PAX3: variants seen among roughly 807,000 people sequenced by gnomAD.
PAX3 encodes the protein paired box 3.
A neutral mutation model predicts 51.6 loss-of-function variants in PAX3; 14 were observed. The ratio of observed to expected loss-of-function variants is 0.27; its 90% CI spans 0.18 to 0.42. PAX3 has a LOEUF of 0.42. Among genes scored for constraint, PAX3 ranks in the 10% least tolerant of loss-of-function variants. The pLI, the probability that PAX3 is intolerant of heterozygous loss-of-function variation, is 1.00. For synonymous variants in PAX3, 280 were observed against 253.4 expected, an observed-to-expected ratio of 1.11 and a Z score of -1.00; for missense variants, 540 against 642.8, an observed-to-expected ratio of 0.84 and a Z score of 1.73.
chr2:222,241,086 A>G (rs1692996240), intron 4 of PAX3, among the ~76,000 whole-genome samples: 1 of 152,224 alleles, frequency 6.6e-6, no homozygotes, highest in Non-Finnish European at 1.5e-5. Flanking sequence ...CAGGGCTGCT[A>G]TCTACAGTAA....
chr2:222,237,903 T>C (rs931180706), intron 4 of PAX3, among the ~76,000 whole-genome samples: 1 of 152,166 alleles, frequency 6.6e-6, no homozygotes, highest in African/African-American at 2.4e-5. Flanking sequence ...TGGAAACATA[T>C]CAGGATATTC....
chr2:222,244,703 C>G (rs1428700060), intron 4 of PAX3, among the ~76,000 whole-genome samples: 1 of 149,438 alleles, frequency 6.7e-6, no homozygotes, highest in African/African-American at 2.5e-5. Context: ...TTCAGAAGAA[C>G]CCGCCCATAG....
intron 4 of PAX3, among the ~76,000 whole-genome samples, chr2:222,254,788 T>C (rs1047384357): frequency 2.6e-5 from 4 of 152,206 alleles, no homozygotes; most frequent in African/African-American, 9.7e-5. Context: ...TTTTCTATTC[T>C]TTTCTTTTTT....
chr2:222,295,180 C>A (rs754549283), intron 3 of PAX3, among the ~76,000 whole-genome samples: 1 of 152,172 alleles, frequency 6.6e-6, no homozygotes, highest in African/African-American at 2.4e-5. Flanking sequence ...CGGGCCCCAT[C>A]TCCCTTCGGT....
At chr2:222,230,949 A>T (rs1692571496) in intron 5 of PAX3, among the ~76,000 whole-genome samples, 2 of 151,056 alleles carry the variant, frequency 1.3e-5, no homozygotes, top group African/African-American at 4.9e-5. Context: ...TGTTATTTTT[A>T]AATTATTTGT....
chr2:222,270,469 T>C (rs112808568), intron 4 of PAX3, among the ~76,000 whole-genome samples: 1 of 152,192 alleles, frequency 6.6e-6, no homozygotes, highest in East Asian at 1.9e-4. Context: ...GCAATAAAAT[T>C]GTCGCTGCTA....
Position 222,298,655 on chromosome 2 carries a change from G to A in PAX3, c.-40C>T, listed in dbSNP as rs1327544104. On this transcript the variant is annotated 5_prime_UTR_variant, in exon 1 of 9. Coordinates refer to ENST00000392070, the MANE Select transcript of PAX3 (RefSeq NM_181458.4). ...CGCTCGGAAATTATATCCAGGTGAA[G>A]GCGAAACGGAAAGGCGAGTGCGGCG... 4 of 1,557,434 alleles carry A rather than the reference G, an allele frequency of 2.6e-6. No individual in the cohort carries two copies. The highest frequency in any genetic ancestry group is 3.5e-6 in the Non-Finnish European group (4 of 1,145,926).
At chr2:222,285,414 G>T (rs1016519931) in intron 4 of PAX3, among the ~76,000 whole-genome samples, 4 of 152,176 alleles carry the variant, frequency 2.6e-5, no homozygotes, top group Non-Finnish European at 5.9e-5. Context: ...CTGTGAACTG[G>T]GTAAGTTATG....
intron 4 of PAX3, chr2:222,287,460 T>G (rs565755954): frequency 6.2e-4 from 94 of 152,320 alleles, no homozygotes; most frequent in African/African-American, 2.3e-3. Context: ...CAATTTTGAG[T>G]TGGTACTAAG....
At chr2:222,273,812 A>G (rs1391320124) in intron 4 of PAX3, among the ~76,000 whole-genome samples, 2 of 151,862 alleles carry the variant, frequency 1.3e-5, no homozygotes, top group African/African-American at 4.8e-5. Flanking sequence ...AGGTAATTTG[A>G]CAGCTCTTAG....
chr2:222,296,128 T>C (rs532748765), intron 2 of PAX3, among the ~76,000 whole-genome samples: 1 of 152,288 alleles, frequency 6.6e-6, no homozygotes, highest in African/African-American at 2.4e-5. Flanking sequence ...TGTATTTGGG[T>C]TTTTAAAACT....
Position 222,200,346 on chromosome 2 carries a change from A to G in PAX3, c.*1062T>C. 1 of 223,116 alleles carries G rather than the reference A, an allele frequency of 4.5e-6. No individual in the cohort carries two copies. Among genetic ancestry groups the G allele is most frequent in the Non-Finnish European group, 9.0e-6 (1 of 111,380 alleles). The allele number at this position is 223,116 out of a possible 1,614,324, so 13.8% of individuals were successfully genotyped here. On this transcript the variant is annotated 3_prime_UTR_variant, in exon 9 of 9. Coordinates refer to ENST00000392070, the MANE Select transcript of PAX3 (RefSeq NM_181458.4). ...CTGTTCTTGCCCTGCCTTTCATAGA[A>G]AAGAGAAGAATGTAAACGTAATCAG...
intron 4 of PAX3, among the ~76,000 whole-genome samples, chr2:222,244,486 C>A (rs945327758): frequency 1.8e-4 from 27 of 152,240 alleles, no homozygotes; most frequent in African/African-American, 6.0e-4. Flanking sequence ...TCCTGATACA[C>A]AATTTATCCT....
chr2:222,292,577 C>CGT (rs1196636907), intron 4 of PAX3, among the ~76,000 whole-genome samples: 3 of 152,220 alleles, frequency 2.0e-5, no homozygotes, highest in Non-Finnish European at 4.4e-5. Flanking sequence ...GTAGCAAAGC[C>CGT]GTGAGTCCCC....
At chr2:222,203,347 GC>G (rs1352125038) in intron 7 of PAX3, among the ~76,000 whole-genome samples, 1 of 151,784 alleles carries the variant, frequency 6.6e-6, no homozygotes, top group Admixed American at 6.6e-5. Context: ...AAAAGCAATT[GC>G]AAAAGAAATC....
At position 222,232,282 on chromosome 2, in the gene PAX3, G is replaced by T. The variant is rs1692626386; in HGVS notation, c.588C>A (p.Ala196=). ...AGCCTTCATCTGATTGGGGTGCTGA[G>T]GCTAAAAGCACAGAAGAACAAAACA... ...HSIDGILSER[A]SAPQSDEGSD... Residue 196 remains alanine (A), a splice_region_variant and synonymous_variant, in exon 5 of 9, where the codon GCC becomes GCA. Coordinates refer to ENST00000392070, the MANE Select transcript of PAX3 (RefSeq NM_181458.4). The T allele has an allele frequency of 1.9e-6, 3 of 1,612,880 alleles. No homozygotes were observed. The highest frequency in any genetic ancestry group is 2.2e-5 in the South Asian group (2 of 91,052).
At chr2:222,222,889 A>ATTTT (rs1157194231) in intron 5 of PAX3, among the ~76,000 whole-genome samples, 1 of 152,190 alleles carries the variant, frequency 6.6e-6, no homozygotes, top group African/African-American at 2.4e-5. Context: ...CTAAAGTGGA[A>ATTTT]GCAAAAAGTT....
At chr2:222,281,122 G>A (rs929970784) in intron 4 of PAX3, among the ~76,000 whole-genome samples, 3 of 152,148 alleles carry the variant, frequency 2.0e-5, no homozygotes, top group Admixed American at 6.5e-5. Flanking sequence ...AAGTTTCCAC[G>A]CTGGATCAAT....
At chr2:222,203,045 ATATATATATAT>A (rs1691367830) in intron 7 of PAX3, among the ~76,000 whole-genome samples, 1 of 133,192 alleles carries the variant, frequency 7.5e-6, no homozygotes, top group African/African-American at 2.7e-5. Context: ...ATATATATAT[ATATATATATAT>A]GAAGTGTTAA....
Sources: gnomAD v4.1 joint callset for allele counts (sites outside exome capture counted in the v4.1 genomes callset) on GRCh38, gnomAD v4.1.1 for gene constraint, MANE v1.5 for transcripts, NCBI Gene and HGNC (gene_info 2026-07-23, HGNC 2026-07-21) for gene names.